Variants in CEP128 observed in about 807,000 individuals in gnomAD.
The protein encoded by CEP128 is centrosomal protein 128.
A neutral mutation model predicts 156.7 loss-of-function variants in CEP128; 132 were observed. That is an observed-to-expected ratio of 0.84 (90% confidence interval 0.73 to 0.97). The LOEUF (loss-of-function observed/expected upper bound fraction) is 0.97. Among genes scored for constraint, CEP128 ranks in the 50% least tolerant of loss-of-function variants. The pLI is 0.00. For missense variants in CEP128, 1,252 were observed against 1,281.9 expected, an observed-to-expected ratio of 0.98 and a Z score of 0.36; for synonymous variants, 469 against 448.9, an observed-to-expected ratio of 1.04 and a Z score of -0.57.
intron 19 of CEP128, among the ~76,000 whole-genome samples, chr14:80,719,664 A>G (rs561386636): frequency 6.6e-6 from 1 of 152,336 alleles, no homozygotes; most frequent in South Asian, 2.1e-4. Flanking sequence ...TAGAAGAAAG[A>G]GGGGACATAG....
At chr14:80,592,366 T>C (rs185503035) in intron 19 of CEP128, among the ~76,000 whole-genome samples, 1 of 152,292 alleles carries the variant, frequency 6.6e-6, no homozygotes, top group African/African-American at 2.4e-5. Context: ...CAGAGAATAC[T>C]ATAAACACCT....
intron 21 of CEP128, among the ~76,000 whole-genome samples, chr14:80,552,668 T>C (rs1291083848): frequency 6.6e-6 from 1 of 152,210 alleles, no homozygotes; most frequent in Non-Finnish European, 1.5e-5. Flanking sequence ...TGATTGCTGA[T>C]GAAAAATGTC....
intron 19 of CEP128, among the ~76,000 whole-genome samples, chr14:80,733,701 T>C (rs935017138): frequency 2.6e-5 from 4 of 152,188 alleles, no homozygotes; most frequent in African/African-American, 9.6e-5. Context: ...ATAGAATATG[T>C]TGATGTCCTG....
At chr14:80,632,687 G>C (rs1894011725) in intron 19 of CEP128, among the ~76,000 whole-genome samples, 1 of 151,840 alleles carries the variant, frequency 6.6e-6, no homozygotes, top group East Asian at 1.9e-4. Flanking sequence ...TGGGCATGTG[G>C]GTCATTTCCA....
At position 80,500,666 on chromosome 14, in the gene CEP128, A is replaced by G. The variant is rs371500540; in HGVS notation, c.3182-3084T>C. On this transcript the variant is annotated intron_variant, in intron 24 of 24. Coordinates refer to ENST00000555265, the MANE Select transcript of CEP128 (RefSeq NM_152446.5). The stretch of plus-strand genomic sequence containing the variant: ...ACAATCCCACTCCCCAGAGTCAGCT[A>G]TGATCACCTCTTCCAGTTTTATTTT... Among the ~76,000 whole-genome samples the G allele has an allele frequency of 3.2e-4, 49 of 152,302 alleles. No individual in the cohort carries two copies. The South Asian group carries it at 9.5e-3, about 30-fold the overall frequency.
At chr14:80,507,071 C>G (rs1397799803) in intron 23 of CEP128, among the ~76,000 whole-genome samples, 1 of 151,786 alleles carries the variant, frequency 6.6e-6, no homozygotes, top group Non-Finnish European at 1.5e-5. Flanking sequence ...AGTGCCTGTG[C>G]CTGCTTCACC....
At chr14:80,764,455 C>T (rs188612615) in intron 16 of CEP128, among the ~76,000 whole-genome samples, 3,439 of 151,310 alleles carry the variant, frequency 0.023, 57 homozygotes, top group Non-Finnish European at 0.039. Context: ...GCCGAGATTG[C>T]GCCACTGCAG....
chr14:80,844,428 A>T (rs1886496545), intron 9 of CEP128, among the ~76,000 whole-genome samples: 1 of 152,138 alleles, frequency 6.6e-6, no homozygotes, highest in Admixed American at 6.6e-5. Flanking sequence ...GTCCAAAAGG[A>T]ATTCAATATT....
At chr14:80,849,932 A>G (rs1804751781) in intron 9 of CEP128, among the ~76,000 whole-genome samples, 1 of 152,144 alleles carries the variant, frequency 6.6e-6, no homozygotes, top group South Asian at 2.1e-4. Flanking sequence ...AAAATTCTGC[A>G]TGCACAGCTT....
At chr14:80,487,159 C>A (rs1380485353), downstream of CEP128, among the ~76,000 whole-genome samples, 1 of 151,596 alleles carries the variant, frequency 6.6e-6, no homozygotes, top group Non-Finnish European at 1.5e-5. Context: ...CACATAGGCT[C>A]AAAATAAAGG....
intron 9 of CEP128, among the ~76,000 whole-genome samples, chr14:80,855,347 T>C (rs1207648628): frequency 1.3e-5 from 2 of 152,192 alleles, no homozygotes; most frequent in Non-Finnish European, 2.9e-5. Flanking sequence ...GTTTTCCTCC[T>C]GCTTTCCACA....
chr14:80,793,635 C>T (rs1901833963), intron 13 of CEP128, among the ~76,000 whole-genome samples: 1 of 152,088 alleles, frequency 6.6e-6, no homozygotes, highest in Non-Finnish European at 1.5e-5. Context: ...TACATTATTT[C>T]CAGATAAACC....
At chr14:80,563,036 AT>A (rs373648315) in intron 20 of CEP128, among the ~76,000 whole-genome samples, 14 of 152,212 alleles carry the variant, frequency 9.2e-5, no homozygotes, top group African/African-American at 3.4e-4. Context: ...GAATGAACAT[AT>A]AATTACAACA....
chr14:80,839,075 G>A (rs1886228132), intron 10 of CEP128, among the ~76,000 whole-genome samples: 1 of 152,030 alleles, frequency 6.6e-6, no homozygotes, highest in African/African-American at 2.4e-5. Context: ...CTCCAGCCTG[G>A]GCAACAGAGC....
chr14:80,701,726 C>T (rs559472202), intron 19 of CEP128, among the ~76,000 whole-genome samples: 2 of 152,118 alleles, frequency 1.3e-5, no homozygotes, highest in South Asian at 4.1e-4. Context: ...AAACATGGGA[C>T]TTCTATGTTT....
At chr14:80,819,083 T>C (rs1179029670) in intron 13 of CEP128, among the ~76,000 whole-genome samples, 1 of 152,040 alleles carries the variant, frequency 6.6e-6, no homozygotes, top group Non-Finnish European at 1.5e-5. Flanking sequence ...ACAACAAAAA[T>C]GTATTTCTCA....
intron 18 of CEP128, among the ~76,000 whole-genome samples, chr14:80,752,574 C>G (rs1374699921): frequency 1.3e-5 from 2 of 151,954 alleles, no homozygotes; most frequent in Non-Finnish European, 2.9e-5. Flanking sequence ...GATATTTATC[C>G]ACATCTATCA....
At chr14:80,810,557 T>C (rs2139941045) in intron 13 of CEP128, among the ~76,000 whole-genome samples, 1 of 152,258 alleles carries the variant, frequency 6.6e-6, no homozygotes, top group South Asian at 2.1e-4. Context: ...GGTTTTTTTC[T>C]TTCCCATCTA....
intron 24 of CEP128, among the ~76,000 whole-genome samples, chr14:80,501,650 A>G (rs1594916672): frequency 6.6e-6 from 1 of 151,686 alleles, no homozygotes; most frequent in Non-Finnish European, 1.5e-5. Context: ...GACTACAGGC[A>G]CCCGCCACCA....
Sources: gnomAD v4.1 joint callset for allele counts (sites outside exome capture counted in the v4.1 genomes callset) on GRCh38, gnomAD v4.1.1 for gene constraint, MANE v1.5 for transcripts, NCBI Gene and HGNC (gene_info 2026-07-23, HGNC 2026-07-21) for gene names.